The following RYR3 variants were observed in gnomAD, a reference collection of about 807,000 sequenced individuals.
RYR3 encodes the protein ryanodine receptor 3.
RYR3 carries 207 observed loss-of-function variants against 584.3 expected under a neutral mutation model. That is an observed-to-expected ratio of 0.35 (90% CI 0.32 to 0.40). RYR3 has a LOEUF of 0.40. RYR3 is among the 10% of genes least tolerant of loss of function. RYR3 has a pLI of 1.00. For missense variants in RYR3, 5,616 were observed against 6,089.2 expected, an observed-to-expected ratio of 0.92 and a Z score of 2.59; for synonymous variants, 2,416 against 2,248.5, an observed-to-expected ratio of 1.07 and a Z score of -2.11.
intron 10 of RYR3, among the ~76,000 whole-genome samples, chr15:33,551,961 T>C (rs1166666405): frequency 6.6e-6 from 1 of 151,996 alleles, no homozygotes; most frequent in Non-Finnish European, 1.5e-5. Context: ...AGGTGGAAAA[T>C]AAGAAATGAC....
Position 33,838,690 on chromosome 15 carries a change from A to C in RYR3, c.12710A>C (p.Asp4237Ala). The C allele has an allele frequency of 6.2e-7, 1 of 1,613,964 alleles. No individual in the cohort carries two copies. Among genetic ancestry groups the C allele is most frequent in the Non-Finnish European group, 8.5e-7 (1 of 1,179,864 alleles). ...RVTKILGDMP[D>A]PTQFGIHDDT... is the part of the protein sequence containing the mutation. ...ACCAAGATCCTGGGTGACATGCCTGACCCAACCCAATTTGGTATCCATGAT... is the reference window on the plus strand; with the variant it reads ...ACCAAGATCCTGGGTGACATGCCTGCCCCAACCCAATTTGGTATCCATGAT... The change falls in exon 89 of 104, where the codon GAC becomes GCC. Residue 4237 changes from aspartate to alanine, a missense_variant. This residue lies in a region of RYR3 where 918 missense variants were observed against 887.4 expected (regional missense o/e 1.03). Coordinates refer to ENST00000634891, the MANE Select transcript of RYR3 (RefSeq NM_001036.6).
intron 36 of RYR3, 95 bp from the exon 37 acceptor site, chr15:33,669,259 T>C (rs1192718844): frequency 2.5e-5 from 21 of 840,564 alleles, no homozygotes; most frequent in Non-Finnish European, 3.5e-5. Context: ...GTAAAATAAA[T>C]TTGAAAAGAA....
rs1375457605 is a variant in RYR3 at position 33,801,923 on chromosome 15, G to T, written c.9973G>T (p.Ala3325Ser). Residue 3325 changes from alanine (A) to serine (S), a missense_variant, in exon 69 of 104, where the codon GCA (alanine) becomes TCA (serine). This residue lies in a region of RYR3 where 954 missense variants were observed against 1,132.2 expected (regional missense o/e 0.84). Coordinates refer to ENST00000634891, the MANE Select transcript of RYR3 (RefSeq NM_001036.6). Reference sequence around the variant, plus strand: ...GATTCAGAATGAAATTAATAATTTGGCATTTTTAACTGGAGACAGCAAAAG... The same window carrying T: ...GATTCAGAATGAAATTAATAATTTGTCATTTTTAACTGGAGACAGCAAAAG... ...FVIQNEINNLAFLTGDSKSKM... is the reference protein window; with the variant it reads ...FVIQNEINNLSFLTGDSKSKM... 3 of 1,591,130 alleles carry T rather than the reference G, an allele frequency of 1.9e-6. No homozygotes were observed. In the South Asian group the frequency reaches 3.4e-5, roughly 18 times the overall value.
rs2073873624 is a variant in RYR3 at position 33,774,708 on chromosome 15, TAA to T, written c.9137+1094_9137+1095del. The stretch of plus-strand genomic sequence containing the variant: ...GCTGCGTTTGTTTTTATTATGATTT[TAA>T]GTCTTTAACAGTTGTCAGGCTTTCC... On this transcript the variant is annotated intron_variant, in intron 64 of 103. Transcript: ENST00000634891. Among the ~76,000 whole-genome samples the T allele has an allele frequency of 2.0e-5, 3 of 152,332 alleles. No individual in the cohort carries two copies. The South Asian group carries it at 6.2e-4, about 32-fold the overall frequency.
intron 3 of RYR3, among the ~76,000 whole-genome samples, chr15:33,515,519 A>G (rs1279810703): frequency 1.3e-5 from 2 of 152,200 alleles, no homozygotes; most frequent in African/African-American, 4.8e-5. Flanking sequence ...TCTTTTCATA[A>G]CTTCAGTCTT....
intron 33 of RYR3, 121 bp downstream of exon 33, chr15:33,659,927 C>A (rs1211667510): frequency 5.9e-5 from 42 of 709,710 alleles, no homozygotes; most frequent in Non-Finnish European, 7.3e-5. Context: ...AGCCCCCCAC[C>A]CCCAGGCCCT....
intron 1 of RYR3, among the ~76,000 whole-genome samples, chr15:33,408,560 T>C (rs2043176789): frequency 6.6e-6 from 1 of 152,240 alleles, no homozygotes; most frequent in Non-Finnish European, 1.5e-5. Flanking sequence ...TTTAAGTTCT[T>C]TGAGAAATCT....
intron 94 of RYR3, chr15:33,849,210 A>T (rs1053485927): frequency 1.1e-4 from 16 of 152,162 alleles, no homozygotes; most frequent in African/African-American, 3.9e-4. Context: ...AGGCAATTAC[A>T]TGGGCAGGTA....
intron 2 of RYR3, among the ~76,000 whole-genome samples, chr15:33,474,651 A>G (rs1019086000): frequency 2.0e-5 from 3 of 152,214 alleles, no homozygotes; most frequent in African/African-American, 4.8e-5. Flanking sequence ...AAAACCCACC[A>G]TCACACCCTC....
At chr15:33,496,752 T>C (rs2051462369) in intron 2 of RYR3, among the ~76,000 whole-genome samples, 1 of 152,140 alleles carries the variant, frequency 6.6e-6, no homozygotes, top group African/African-American at 2.4e-5. Flanking sequence ...ATAAATCGTC[T>C]TCACCCCTCA....
Position 33,861,078 on chromosome 15 carries a change from A to G in RYR3, c.14365A>G (p.Thr4789Ala). The change falls in exon 102 of 104, where the codon ACT (threonine) becomes GCT (alanine). Residue 4789 changes from threonine (T) to alanine (A), a missense_variant and splice_region_variant. Around this residue, in one of 9 missense-constraint regions of RYR3, gnomAD observed 918 missense variants for 887.4 expected, o/e 1.03. Coordinates refer to ENST00000634891, the MANE Select transcript of RYR3 (RefSeq NM_001036.6). ...QQEQVREDME[T>A]KCFICGIGND... ...CTTTTCTGCCTGTTATTTTTCTTAG[A>G]CTAAATGTTTCATCTGTGGGATTGG... 1.3e-6 allele frequency: 2 copies of G among 1,579,706 alleles called. No homozygotes were observed. Among genetic ancestry groups the G allele is most frequent in the Non-Finnish European group, 1.7e-6 (2 of 1,160,800 alleles).
intron 101 of RYR3, 147 bp downstream of exon 101, chr15:33,860,806 G>A: frequency 2.8e-6 from 2 of 711,776 alleles, no homozygotes; most frequent in South Asian, 1.9e-5. Flanking sequence ...TCTGCACCCT[G>A]CCATACCCCT....
rs747558810 is a variant in RYR3, at chr15:33,699,843, T to A, written c.6379+10T>A. On this transcript the variant is annotated intron_variant, in intron 41 of 103. Coordinates refer to ENST00000634891, the MANE Select transcript of RYR3 (RefSeq NM_001036.6). ...AGCAGTGTTGGCCTAGGTGCGTAAG[T>A]CTTCTTGTAACTTCCACATCCAAAC... The A allele has an allele frequency of 1.9e-6, 3 of 1,606,296 alleles. No individual in the cohort carries two copies. Among genetic ancestry groups the A allele is most frequent in the Admixed American group, 1.7e-5 (1 of 59,712 alleles).
At chr15:33,655,372 C>T (rs1372286272) in intron 32 of RYR3, among the ~76,000 whole-genome samples, 4 of 152,098 alleles carry the variant, frequency 2.6e-5, no homozygotes, top group Non-Finnish European at 4.4e-5. Flanking sequence ...CTGCAGAGGA[C>T]GCTAAAGCAT....
intron 20 of RYR3, among the ~76,000 whole-genome samples, chr15:33,626,644 C>T (rs1278970204): frequency 6.6e-6 from 1 of 152,118 alleles, no homozygotes; most frequent in East Asian, 1.9e-4. Context: ...AAATGATTTT[C>T]TGGGCTGGGC....
chr15:33,671,476 A>G (rs1046988928), intron 38 of RYR3, among the ~76,000 whole-genome samples: 3 of 152,178 alleles, frequency 2.0e-5, no homozygotes, highest in African/African-American at 7.2e-5. Context: ...ACTGCCCTTT[A>G]TATCGACCTT....
rs991853416 is a variant in RYR3, at chr15:33,514,845, C to CA, written c.279+11116dup. 6.1e-3 allele frequency among the ~76,000 whole-genome samples: 921 copies of CA among 150,290 alleles called. 3 individuals are homozygous for CA. The highest frequency in any genetic ancestry group is 0.021 in the Middle Eastern group (6 of 290). ...TGAAACCCCATCTCTACTAAAAATA[C>CA]AAAAAAAAATTAGCCAGGCATGGTG... On this transcript the variant is annotated intron_variant, in intron 3 of 103. Transcript: ENST00000634891.
chr15:33,632,799 A>C (rs1391734820), intron 23 of RYR3, 150 bp from the exon 24 acceptor site: 2 of 588,236 alleles, frequency 3.4e-6, no homozygotes, highest in Non-Finnish European at 5.9e-6. Flanking sequence ...GACTTGAAAC[A>C]GAGCTGAGCT....
At chr15:33,810,770 T>G in intron 71 of RYR3, 121 bp downstream of exon 71, 1 of 1,287,466 alleles carries the variant, frequency 7.8e-7, no homozygotes, top group South Asian at 1.4e-5. Flanking sequence ...CAGAAACCAG[T>G]GTGTATGGAG....
Sources: gnomAD v4.1 joint callset for allele counts (sites outside exome capture counted in the v4.1 genomes callset) on GRCh38, gnomAD v4.1.1 for gene constraint, gnomAD v4.1.1 regional missense constraint, MANE v1.5 for transcripts, NCBI Gene and HGNC (gene_info 2026-07-23, HGNC 2026-07-21) for gene names.